NTRK2: variants seen among roughly 807,000 people sequenced by gnomAD.
The protein encoded by NTRK2 is BDNF/NT-3 growth factors receptor.
A neutral mutation model predicts 94.5 loss-of-function variants in NTRK2; 13 were observed. The ratio of observed to expected loss-of-function variants is 0.14; its 90% CI spans 0.09 to 0.22. The LOEUF is 0.22. Among genes scored for constraint, NTRK2 ranks in the 10% least tolerant of loss-of-function variants. The pLI is 1.00. For missense variants in NTRK2, 639 were observed against 1,071.2 expected (o/e 0.60, Z 5.63); for synonymous variants, 372 against 407.4 (o/e 0.91, Z 1.05).
chr9:85,000,780 G>A (rs58425147), intron 17 of NTRK2, among the ~76,000 whole-genome samples: 22,446 of 152,132 alleles, frequency 0.15, 1,772 homozygotes, highest in Admixed American at 0.22. Flanking sequence ...AAATACCATG[G>A]AGCATGACTA....
At chr9:84,741,519 G>A (rs962265324) in intron 9 of NTRK2, among the ~76,000 whole-genome samples, 4 of 152,086 alleles carry the variant, frequency 2.6e-5, no homozygotes, top group South Asian at 4.1e-4. Flanking sequence ...AAAGTGGTAC[G>A]AAAATTATTT....
At chr9:84,671,112 G>C in intron 2 of NTRK2, 152 bp downstream of exon 2, 1 of 770,600 alleles carries the variant, frequency 1.3e-6, no homozygotes, top group African/African-American at 1.7e-5. Context: ...GTTACCTGCT[G>C]TTTCACTGGC....
chr9:84,989,611 C>A (rs1203793854), intron 17 of NTRK2, among the ~76,000 whole-genome samples: 1 of 152,184 alleles, frequency 6.6e-6, no homozygotes, highest in Non-Finnish European at 1.5e-5. Flanking sequence ...TAATTTCAGA[C>A]CCACCCTGAA....
intron 17 of NTRK2, among the ~76,000 whole-genome samples, chr9:85,001,807 C>T (rs568991832): frequency 1.3e-5 from 2 of 152,324 alleles, no homozygotes; most frequent in South Asian, 2.1e-4. Flanking sequence ...GCTGCGCTGG[C>T]CCCTGACTGA....
chr9:84,905,545 T>G (rs962105356), intron 14 of NTRK2, among the ~76,000 whole-genome samples: 1 of 152,172 alleles, frequency 6.6e-6, no homozygotes, highest in African/African-American at 2.4e-5. Flanking sequence ...GAAATTAAAA[T>G]CAAATGAAAT....
chr9:84,911,713 G>C (rs1206296985), intron 14 of NTRK2, among the ~76,000 whole-genome samples: 1 of 151,848 alleles, frequency 6.6e-6, no homozygotes, highest in Non-Finnish European at 1.5e-5. Flanking sequence ...CCAATTTCTT[G>C]GTTTAGTGTT....
At chr9:84,790,076 G>A (rs1021047281) in intron 12 of NTRK2, among the ~76,000 whole-genome samples, 1 of 152,108 alleles carries the variant, frequency 6.6e-6, no homozygotes, top group East Asian at 1.9e-4. Flanking sequence ...TTTTTAGTAC[G>A]GACATCCTCC....
At chr9:84,714,758 T>C (rs2061608802) in intron 6 of NTRK2, among the ~76,000 whole-genome samples, 1 of 152,210 alleles carries the variant, frequency 6.6e-6, no homozygotes, top group African/African-American at 2.4e-5. Context: ...CTTTTACATA[T>C]ACTTTAAAAA....
rs368299397 is a variant in NTRK2, at chr9:84,765,065, G to A, written c.1396+12980G>A. On this transcript the variant is annotated intron_variant, in intron 12 of 18. Transcript: ENST00000277120. Reference sequence around the variant, plus strand: ...AGGTGACCAGAGGCTGGGAAGGGTAGTGAGGGATGCGGAGGTTGTGAGGAT... The same window carrying A: ...AGGTGACCAGAGGCTGGGAAGGGTAATGAGGGATGCGGAGGTTGTGAGGAT... Among the ~76,000 whole-genome samples, 26 of 152,318 alleles carry A rather than the reference G, an allele frequency of 1.7e-4. 2 individuals carry two copies. In the South Asian group the frequency reaches 5.4e-3, roughly 32 times the overall value.
chr9:84,750,137 T>TG (rs1283776507), intron 11 of NTRK2, among the ~76,000 whole-genome samples: 1 of 152,100 alleles, frequency 6.6e-6, no homozygotes, highest in African/African-American at 2.4e-5. Flanking sequence ...ATCCTTTGTT[T>TG]GGGGGGCTGT....
intron 6 of NTRK2, among the ~76,000 whole-genome samples, chr9:84,720,508 A>G (rs1372479729): frequency 6.6e-6 from 1 of 152,182 alleles, no homozygotes; most frequent in East Asian, 1.9e-4. Context: ...ATCAGGTGGT[A>G]CCTAGTAAAT....
intron 15 of NTRK2, among the ~76,000 whole-genome samples, chr9:84,937,067 T>A (rs1474585524): frequency 6.6e-6 from 1 of 152,150 alleles, no homozygotes; most frequent in Non-Finnish European, 1.5e-5. Flanking sequence ...GACCTGCTCA[T>A]TTTTAGGGCT....
At position 84,670,938 on chromosome 9, in the gene NTRK2, G is replaced by C; in HGVS notation, c.190G>C (p.Asp64His). The part of the protein sequence containing the change: ...AFPRLEPNSV[D>H]PENITEIFIA... ...TCCGAGATTGGAGCCTAACAGTGTA[G>C]ATCCTGAGAACATCACCGAAATGTG... The change falls in exon 2 of 19, where the codon GAT (aspartate) becomes CAT (histidine). Residue 64 changes from aspartate to histidine, a missense_variant. Around this residue, in one of 5 missense-constraint regions of NTRK2, gnomAD observed 206 missense variants for 251.5 expected, o/e 0.82. Coordinates refer to ENST00000277120, the MANE Select transcript of NTRK2 (RefSeq NM_006180.6). The C allele has an allele frequency of 6.2e-7, 1 of 1,606,240 alleles. No homozygotes were observed. Among genetic ancestry groups the C allele is most frequent in the Non-Finnish European group, 8.5e-7 (1 of 1,179,990 alleles).
At chr9:84,974,321 A>G (rs956613561) in intron 17 of NTRK2, among the ~76,000 whole-genome samples, 1 of 152,204 alleles carries the variant, frequency 6.6e-6, no homozygotes, top group African/African-American at 2.4e-5. Context: ...AAGGTGGCAA[A>G]TGAATCAATC....
chr9:85,007,063 C>T (rs1448833067), intron 17 of NTRK2, among the ~76,000 whole-genome samples: 1 of 152,244 alleles, frequency 6.6e-6, no homozygotes, highest in Non-Finnish European at 1.5e-5. Context: ...CAGCACTGGA[C>T]TGTGCTGTCT....
At chr9:84,684,643 T>C (rs2131445977) in intron 2 of NTRK2, among the ~76,000 whole-genome samples, 1 of 152,364 alleles carries the variant, frequency 6.6e-6, no homozygotes, top group African/African-American at 2.4e-5. Context: ...ATTAAGGCAG[T>C]ACTATTTGTC....
At chr9:84,929,562 C>CTTT (rs559071090) in intron 14 of NTRK2, among the ~76,000 whole-genome samples, 2 of 143,046 alleles carry the variant, frequency 1.4e-5, no homozygotes, top group East Asian at 4.0e-4. Flanking sequence ...AGTTTGGTTC[C>CTTT]TTTTTTTTTT....
chr9:84,734,990 G>A (rs1287434932), intron 9 of NTRK2, among the ~76,000 whole-genome samples: 1 of 152,110 alleles, frequency 6.6e-6, no homozygotes, highest in Non-Finnish European at 1.5e-5. Flanking sequence ...GAAATGTGCT[G>A]TTGGGGACAA....
chr9:84,995,071 C>G (rs777058486), intron 17 of NTRK2, among the ~76,000 whole-genome samples: 1 of 152,192 alleles, frequency 6.6e-6, no homozygotes, highest in Non-Finnish European at 1.5e-5. Context: ...ACTAAAAATT[C>G]CATGTGAGTC....
Sources: allele counts gnomAD v4.1 joint callset (sites outside exome capture counted in the v4.1 genomes callset), GRCh38; gene constraint gnomAD v4.1.1; regional missense constraint gnomAD v4.1.1; transcripts MANE v1.5; gene names NCBI Gene and HGNC (gene_info 2026-07-23, HGNC 2026-07-21).